IL20RA: variants seen among roughly 807,000 people sequenced by gnomAD.
IL20RA encodes the protein interleukin-20 receptor subunit alpha.
In IL20RA, 29 loss-of-function variants were observed where a neutral mutation model predicts 36.5. That is an observed-to-expected ratio of 0.79 (90% confidence interval 0.59 to 1.08). The LOEUF (loss-of-function observed/expected upper bound fraction) is 1.08, where lower values mean the gene tolerates loss of function less well. Among genes scored for constraint, IL20RA ranks in the 50% least tolerant of loss-of-function variants. IL20RA has a pLI of 0.00. For synonymous variants in IL20RA, 279 were observed against 267.1 expected (o/e 1.04, Z -0.43); for missense variants, 652 against 668.4 (o/e 0.98, Z 0.27).
chr6:137,027,619 C>G (rs552227849), intron 1 of IL20RA, among the ~76,000 whole-genome samples: 1 of 152,382 alleles, frequency 6.6e-6, no homozygotes, highest in East Asian at 1.9e-4. Context: ...CTATCTGCCT[C>G]TTAGGCTTGT....
chr6:137,035,771 T>C (rs1198224923), intron 1 of IL20RA, among the ~76,000 whole-genome samples: 1 of 152,276 alleles, frequency 6.6e-6, no homozygotes, highest in Non-Finnish European at 1.5e-5. Flanking sequence ...TGTGATATTC[T>C]ACTTTGCACT....
chr6:137,005,754 A>G (rs1775256110), intron 5 of IL20RA, among the ~76,000 whole-genome samples: 1 of 152,078 alleles, frequency 6.6e-6, no homozygotes, highest in African/African-American at 2.4e-5. Context: ...TCATCCAATC[A>G]ATTGAAGACT....
chr6:137,017,670 G>C (rs774219965), intron 1 of IL20RA, among the ~76,000 whole-genome samples: 5 of 151,908 alleles, frequency 3.3e-5, no homozygotes, highest in Non-Finnish European at 7.4e-5. Context: ...ACCCCGAGAG[G>C]CCAGAGTTTC....
In IL20RA at chr6:137,044,089, T is replaced by A. The variant is rs1179391035; in HGVS notation, c.88+552A>T. 5 of 985,196 alleles carry A rather than the reference T, an allele frequency of 5.1e-6. No individual in the cohort carries two copies. The African/African-American group carries it at 8.7e-5, about 17-fold the overall frequency. The allele number at this position is 985,196 out of a possible 1,614,324, so 61.0% of individuals were successfully genotyped here. ...CGGCGTACCCAGGACAGGGGGAGCT[T>A]ACTTTAAGAAGCTGCGTCTTTCTGG... On this transcript the variant is annotated intron_variant, in intron 1 of 6. Transcript: ENST00000316649.
intron 5 of IL20RA, 124 bp downstream of exon 5, chr6:137,008,475 C>T: frequency 1.0e-6 from 1 of 991,182 alleles, no homozygotes; most frequent in Non-Finnish European, 1.4e-6. Context: ...GTAGTTGTTT[C>T]TGCCTTTGCC....
intron 2 of IL20RA, among the ~76,000 whole-genome samples, chr6:137,014,370 T>A (rs1443683214): frequency 6.6e-6 from 1 of 152,204 alleles, no homozygotes; most frequent in Non-Finnish European, 1.5e-5. Context: ...ATTCTGGATA[T>A]CTCATTGTGC....
intron 1 of IL20RA, among the ~76,000 whole-genome samples, chr6:137,043,805 A>C (rs1203743833): frequency 6.6e-6 from 1 of 152,188 alleles, no homozygotes; most frequent in African/African-American, 2.4e-5. Context: ...AATTTTTTTA[A>C]AAAGGGATCC....
intron 2 of IL20RA, 92 bp from the exon 3 acceptor site, chr6:137,011,544 C>T (rs937627237): frequency 4.5e-5 from 36 of 805,472 alleles, no homozygotes; most frequent in African/African-American, 3.6e-4. Context: ...ATGGAACTGA[C>T]GACCTTCTCT....
Position 137,001,892 on chromosome 6 carries a change from G to C in IL20RA, c.1328C>G (p.Pro443Arg). Residue 443 changes from proline (P) to arginine (R), a missense_variant, in exon 7 of 7, where the codon CCG (proline) becomes CGG (arginine). Transcript: ENST00000316649. The stretch of plus-strand genomic sequence containing the variant: ...GGTGTATGAGTACTGTAACGTTTGC[G>C]GGCCCAAGACTGCCAACGCTGCCTG... Reference protein sequence around the residue: ...ESQAALAVLGPQTLQYSYTPQ... With the variant: ...ESQAALAVLGRQTLQYSYTPQ... 6 of 1,613,762 alleles carry C rather than the reference G, an allele frequency of 3.7e-6. No homozygotes were observed. The highest frequency in any genetic ancestry group is 3.3e-4 in the Middle Eastern group (2 of 6,062).
intron 1 of IL20RA, among the ~76,000 whole-genome samples, chr6:137,029,368 A>G (rs1369426962): frequency 6.6e-6 from 1 of 152,196 alleles, no homozygotes; most frequent in African/African-American, 2.4e-5. Context: ...TTAGCCAGGC[A>G]TGGTGGTATG....
At chr6:137,035,044 C>T (rs1376595499) in intron 1 of IL20RA, among the ~76,000 whole-genome samples, 4 of 151,978 alleles carry the variant, frequency 2.6e-5, no homozygotes, top group African/African-American at 9.7e-5. Context: ...ATCCATGTCC[C>T]TGCAAAAGGA....
chr6:137,043,106 C>G (rs1292866184), intron 1 of IL20RA: 1 of 152,132 alleles, frequency 6.6e-6, no homozygotes, highest in African/African-American at 2.4e-5. Flanking sequence ...CTCTCACTTT[C>G]TTTGTTTTTG....
chr6:137,043,203 G>A (rs1776765309), intron 1 of IL20RA, among the ~76,000 whole-genome samples: 1 of 152,058 alleles, frequency 6.6e-6, no homozygotes, highest in African/African-American at 2.4e-5. Context: ...GGAACTCCTG[G>A]GCACACGGAG....
intron 1 of IL20RA, among the ~76,000 whole-genome samples, chr6:137,041,310 C>T (rs1414619119): frequency 2.0e-5 from 3 of 152,180 alleles, no homozygotes; most frequent in Non-Finnish European, 4.4e-5. Flanking sequence ...ATGGGTGATA[C>T]TCCAGCAAGG....
Position 137,008,593 on chromosome 6 carries a change from G to A in IL20RA, c.724+6C>T. On this transcript the variant is annotated splice_donor_region_variant and intron_variant, in intron 5 of 6. Coordinates refer to ENST00000316649, the MANE Select transcript of IL20RA (RefSeq NM_014432.4). ...CCTAGACCAGCAAAGATTTTTTAAA[G>A]CTTACCTTTCAAAGTCCTGGCACAC... 6.3e-7 allele frequency: 1 copy of A among 1,582,722 alleles called. No individual in the cohort carries two copies. The highest frequency in any genetic ancestry group is 8.6e-7 in the Non-Finnish European group (1 of 1,165,628).
chr6:137,040,014 T>C (rs188441824), intron 1 of IL20RA, among the ~76,000 whole-genome samples: 3 of 152,326 alleles, frequency 2.0e-5, no homozygotes, highest in Admixed American at 2.0e-4. Context: ...TGGGATATTA[T>C]AAAGCTTAAG....
chr6:137,017,306 G>T (rs78048833), intron 1 of IL20RA, among the ~76,000 whole-genome samples: 1 of 152,142 alleles, frequency 6.6e-6, no homozygotes, highest in Non-Finnish European at 1.5e-5. Flanking sequence ...AAAAATTCCC[G>T]AGTTGCTATG....
intron 1 of IL20RA, among the ~76,000 whole-genome samples, chr6:137,032,811 A>G (rs1776345455): frequency 6.6e-6 from 1 of 152,038 alleles, no homozygotes; most frequent in Admixed American, 6.5e-5. Flanking sequence ...CTAGGATCGG[A>G]CCTCTTCAAG....
chr6:137,036,141 T>G (rs1474017253), intron 1 of IL20RA, among the ~76,000 whole-genome samples: 1 of 152,208 alleles, frequency 6.6e-6, no homozygotes, highest in Non-Finnish European at 1.5e-5. Flanking sequence ...ACATTCTCAG[T>G]AGAGGCTTTC....
Sources: allele counts gnomAD v4.1 joint callset (sites outside exome capture counted in the v4.1 genomes callset), GRCh38; gene constraint gnomAD v4.1.1; transcripts MANE v1.5; gene names NCBI Gene and HGNC (gene_info 2026-07-23, HGNC 2026-07-21).